Variants in FOCAD observed in about 807,000 individuals in gnomAD.
The protein encoded by FOCAD is KIAA1797.
FOCAD carries 198 observed loss-of-function variants against 225.6 expected under a neutral mutation model. The observed-to-expected ratio is 0.88, with a 90% CI of 0.78 to 0.99. The LOEUF (loss-of-function observed/expected upper bound fraction) is 0.99. Ranked by LOEUF, FOCAD falls within the 50% of genes least tolerant of loss-of-function variation. The probability of loss-of-function intolerance (pLI) is 0.00; values close to 1 mark genes in which losing one functional copy is unlikely to be tolerated. For synonymous variants in FOCAD, 897 were observed against 755.0 expected (o/e 1.19, Z -3.08); for missense variants, 2,713 against 2,123.6 (o/e 1.28, Z -5.46).
At chr9:20,992,551 A>G (rs956144667) in intron 42 of FOCAD, among the ~76,000 whole-genome samples, 2 of 152,150 alleles carry the variant, frequency 1.3e-5, no homozygotes, top group African/African-American at 4.8e-5. Context: ...TCGGCTATAC[A>G]TTGAGGGTGG....
At chr9:20,921,047 A>T (rs1257856921) in intron 24 of FOCAD, among the ~76,000 whole-genome samples, 1 of 151,828 alleles carries the variant, frequency 6.6e-6, no homozygotes, top group African/African-American at 2.4e-5. Flanking sequence ...AATTTAGCAA[A>T]TTTTCACATC....
chr9:20,994,174 A>C (rs551959040), intron 43 of FOCAD, among the ~76,000 whole-genome samples: 3 of 152,234 alleles, frequency 2.0e-5, no homozygotes, highest in African/African-American at 7.2e-5. Context: ...GGAACTAGAC[A>C]CTTCTCCTAC....
intron 2 of FOCAD, among the ~76,000 whole-genome samples, chr9:20,673,253 G>A (rs1245325188): frequency 6.6e-6 from 1 of 152,056 alleles, no homozygotes; most frequent in Non-Finnish European, 1.5e-5. Context: ...CTTTTATGTG[G>A]GTTTATGTTT....
intron 1 of FOCAD, among the ~76,000 whole-genome samples, chr9:20,708,976 C>G (rs1393646997): frequency 2.0e-5 from 3 of 152,022 alleles, no homozygotes; most frequent in African/African-American, 7.3e-5. Flanking sequence ...GTTAGATTTC[C>G]TCTTGCTTTT....
At chr9:20,676,812 C>T (rs1822250624) in intron 2 of FOCAD, among the ~76,000 whole-genome samples, 1 of 152,062 alleles carries the variant, frequency 6.6e-6, no homozygotes, top group African/African-American at 2.4e-5. Flanking sequence ...ATGTTCATAC[C>T]ACACAACATG....
At chr9:20,762,191 A>G (rs1198677300) in intron 6 of FOCAD, among the ~76,000 whole-genome samples, 1 of 152,214 alleles carries the variant, frequency 6.6e-6, no homozygotes, top group African/African-American at 2.4e-5. Flanking sequence ...TACATTATTA[A>G]AGAGAGATGG....
intron 11 of FOCAD, among the ~76,000 whole-genome samples, chr9:20,798,807 T>G (rs1478053171): frequency 6.6e-6 from 1 of 152,224 alleles, no homozygotes; most frequent in African/African-American, 2.4e-5. Flanking sequence ...TGCTCCTGGA[T>G]TCATTGATTT....
At chr9:20,719,840 C>A (rs929572283) in intron 3 of FOCAD, among the ~76,000 whole-genome samples, 4 of 134,506 alleles carry the variant, frequency 3.0e-5, no homozygotes, top group Non-Finnish European at 6.1e-5. Context: ...GTGGCCTGTC[C>A]TACTTCTCTC....
chr9:20,859,133 G>A (rs539136520), intron 15 of FOCAD, among the ~76,000 whole-genome samples: 14 of 152,214 alleles, frequency 9.2e-5, no homozygotes, highest in East Asian at 3.9e-4. Context: ...CCAGCACTTC[G>A]GGAGGCCGAC....
chr9:20,789,166 C>G (rs1820259237), intron 10 of FOCAD, among the ~76,000 whole-genome samples, 185 bp from the exon 11 acceptor site: 1 of 152,086 alleles, frequency 6.6e-6, no homozygotes, highest in Admixed American at 6.6e-5. Context: ...TCTAACAACT[C>G]TTTTCTCTTT....
At position 20,885,139 on chromosome 9, in the gene FOCAD, T is replaced by C. The variant is rs1276713633; in HGVS notation, c.2534T>C (p.Met845Thr). ...GGMLFCYDVS[M>T]YQSKDGKPLN... ...ATGTTATTTTGCTATGATGTTTCCA[T>C]GTATCAGAGTAAAGATGGAAAACCA... is the stretch of plus-strand genomic sequence containing the variant. The change falls in exon 21 of 44, where the codon ATG (methionine) becomes ACG (threonine). Residue 845 changes from methionine to threonine, a missense_variant. Met to Thr is a moderately conservative substitution (Grantham distance 81, BLOSUM62 -1). Transcript: ENST00000338382. 5 of 1,517,872 alleles carry C rather than the reference T, an allele frequency of 3.3e-6. No individual in the cohort carries two copies. In the South Asian group the frequency reaches 5.6e-5, roughly 17 times the overall value. The allele number at this position is 1,517,872 out of a possible 1,614,324, so 94.0% of individuals were successfully genotyped here.
intron 15 of FOCAD, 113 bp downstream of exon 15, chr9:20,823,228 C>T (rs1046453331): frequency 2.7e-5 from 33 of 1,212,450 alleles, no homozygotes; most frequent in Non-Finnish European, 3.4e-5. Context: ...TGTTCATTCC[C>T]AGTGAATTTT....
chr9:20,731,336 A>G (rs1826682189), intron 4 of FOCAD, among the ~76,000 whole-genome samples: 1 of 152,232 alleles, frequency 6.6e-6, no homozygotes, highest in African/African-American at 2.4e-5. Context: ...AGGATATTAC[A>G]TGAATTTCAT....
intron 21 of FOCAD, among the ~76,000 whole-genome samples, chr9:20,892,234 C>G (rs1831676085): frequency 6.6e-6 from 1 of 152,166 alleles, no homozygotes; most frequent in South Asian, 2.1e-4. Context: ...ACTGCCAACA[C>G]AACATCCATT....
intron 11 of FOCAD, among the ~76,000 whole-genome samples, chr9:20,812,415 A>G (rs7848983): frequency 0.51 from 76,937 of 151,730 alleles, 19,756 homozygotes; most frequent in Middle Eastern, 0.59. Context: ...TAAGTAGATA[A>G]CACTACTTAA....
chr9:20,662,620 C>T (rs1192714599), intron 2 of FOCAD, among the ~76,000 whole-genome samples: 5 of 152,084 alleles, frequency 3.3e-5, no homozygotes, highest in Admixed American at 2.0e-4. Flanking sequence ...CTTTTTATTT[C>T]TATTTTTAAA....
At chr9:20,708,378 A>G (rs1474434307) in intron 1 of FOCAD, among the ~76,000 whole-genome samples, 1 of 152,228 alleles carries the variant, frequency 6.6e-6, no homozygotes. Flanking sequence ...GTGTCTCTAA[A>G]ACATAGAGCC....
rs149528806 is a variant in FOCAD, at chr9:20,984,887, G to A, written c.4729-1401G>A. ...ATGATCTCAACTCACTGCAACCTCC[G>A]TCTTCAGGGTTCAAGTGATTCGCCT... is the stretch of plus-strand genomic sequence containing the variant. On this transcript the variant is annotated intron_variant, in intron 39 of 43. Coordinates refer to ENST00000338382, the MANE Select transcript of FOCAD (RefSeq NM_001375567.1). Among the ~76,000 whole-genome samples the A allele has an allele frequency of 3.9e-3, 596 of 152,274 alleles. 12 individuals carry two copies. The East Asian group carries it at 0.043, about 11-fold the overall frequency.
At chr9:20,903,034 T>C (rs1832681773) in intron 21 of FOCAD, among the ~76,000 whole-genome samples, 1 of 151,926 alleles carries the variant, frequency 6.6e-6, no homozygotes, top group African/African-American at 2.4e-5. Flanking sequence ...TACTGTCTAG[T>C]TGTATGAATT....
Sources: gnomAD v4.1 joint callset for allele counts (sites outside exome capture counted in the v4.1 genomes callset) on GRCh38, gnomAD v4.1.1 for gene constraint, MANE v1.5 for transcripts, NCBI Gene and HGNC (gene_info 2026-07-23, HGNC 2026-07-21) for gene names.